JPH3: variants seen among roughly 807,000 people sequenced by gnomAD.
JPH3 encodes junctophilin 3.
Under a neutral mutation model 59.6 loss-of-function variants are expected in JPH3, and 11 were observed. That is an observed-to-expected ratio of 0.18 (90% CI 0.12 to 0.31). JPH3 has a LOEUF of 0.31. Among genes scored for constraint, JPH3 ranks in the 10% least tolerant of loss-of-function variants. The pLI is 1.00. For synonymous variants in JPH3, 673 were observed against 483.6 expected (o/e 1.39, Z -5.14); for missense variants, 1,202 against 1,105.7 (o/e 1.09, Z -1.24).
At chr16:87,681,998 C>G (rs1260215659) in intron 2 of JPH3, among the ~76,000 whole-genome samples, 1 of 151,992 alleles carries the variant, frequency 6.6e-6, no homozygotes, top group African/African-American at 2.4e-5. Context: ...GGCGGGGGGT[C>G]ATGCAGAAAA....
rs372051671 is a variant in JPH3, at chr16:87,681,569, A to G, written c.1161-2573A>G. ...GCCGGGAGGTCAGGTGCGCCTGGTG[A>G]TGACAGTTCCGGGAGGTCAGGTGCG... On this transcript the variant is annotated intron_variant, in intron 2 of 4. Transcript: ENST00000284262. Among the ~76,000 whole-genome samples the G allele has an allele frequency of 6.0e-3, 565 of 94,098 alleles. 8 individuals are homozygous for G. Among genetic ancestry groups the G allele is most frequent in the African/African-American group, 0.021 (503 of 23,750 alleles). The allele number at this position is 94,098 out of a possible 152,430, so 61.7% of individuals were successfully genotyped here.
chr16:87,662,650 C>T (rs2032742067), intron 2 of JPH3, among the ~76,000 whole-genome samples: 1 of 152,220 alleles, frequency 6.6e-6, no homozygotes, highest in Non-Finnish European at 1.5e-5. Flanking sequence ...GGACCCCAGT[C>T]CCCGCTGAGC....
rs1314654182 is a variant in JPH3 at position 87,645,048 on chromosome 16, G to C, written c.1160+13G>C. On this transcript the variant is annotated intron_variant, in intron 2 of 4. Coordinates refer to ENST00000284262, the MANE Select transcript of JPH3 (RefSeq NM_020655.4). The stretch of plus-strand genomic sequence containing the variant: ...TCGCGGCTTCCAGGTAGGAGGGCGA[G>C]GGGGCGGGGGGCCCTTCTTGGTGCC... 1.9e-6 allele frequency: 3 copies of C among 1,589,638 alleles called. No individual in the cohort carries two copies. The African/African-American group carries it at 4.0e-5, about 21-fold the overall frequency.
rs7196630 is a variant in JPH3 at position 87,616,941 on chromosome 16, C to A, written c.382+13413C>A. On this transcript the variant is annotated intron_variant, in intron 1 of 4. Coordinates refer to ENST00000284262, the MANE Select transcript of JPH3 (RefSeq NM_020655.4). ...TGTTGCCTATATCAATAGTTCGTTCCAGGCTGGGCTCCGTGGCTCACGCCT... is the reference window on the plus strand; with the variant it reads ...TGTTGCCTATATCAATAGTTCGTTCAAGGCTGGGCTCCGTGGCTCACGCCT... 6.0e-3 allele frequency among the ~76,000 whole-genome samples: 917 copies of A among 152,296 alleles called. 11 individuals are homozygous for A. Among genetic ancestry groups the A allele is most frequent in the African/African-American group, 0.021 (854 of 41,564 alleles).
intron 1 of JPH3, among the ~76,000 whole-genome samples, chr16:87,632,604 A>G (rs2031599407): frequency 6.6e-6 from 1 of 152,070 alleles, no homozygotes; most frequent in Non-Finnish European, 1.5e-5. Flanking sequence ...AATTTCAACA[A>G]AATTTTGGCT....
intron 2 of JPH3, among the ~76,000 whole-genome samples, chr16:87,667,120 C>G (rs2032888316): frequency 6.6e-6 from 1 of 152,246 alleles, no homozygotes; most frequent in African/African-American, 2.4e-5. Flanking sequence ...GCCGGCCTCC[C>G]TGGAGTGGCC....
chr16:87,613,045 A>C (rs2030790234), intron 1 of JPH3, among the ~76,000 whole-genome samples: 1 of 151,644 alleles, frequency 6.6e-6, no homozygotes, highest in South Asian at 2.1e-4. Flanking sequence ...AAAGTAAAAT[A>C]AAGTAGACTA....
At chr16:87,636,878 C>T (rs1323258505) in intron 1 of JPH3, among the ~76,000 whole-genome samples, 1 of 152,266 alleles carries the variant, frequency 6.6e-6, no homozygotes, top group African/African-American at 2.4e-5. Context: ...ACTAACTCAG[C>T]TCCGAGATGT....
chr16:87,681,325 G>C (rs550688547), intron 2 of JPH3, among the ~76,000 whole-genome samples: 4 of 147,864 alleles, frequency 2.7e-5, no homozygotes, highest in African/African-American at 1.0e-4. Context: ...CGGGAGGTCA[G>C]GTGCGCGCGG....
In JPH3 at chr16:87,614,442, T is replaced by A. The variant is rs1406876659; in HGVS notation, c.382+10914T>A. Among the ~76,000 whole-genome samples, 5 of 143,790 alleles carry A rather than the reference T, an allele frequency of 3.5e-5. 1 individual carries two copies. 94.3% of individuals were successfully genotyped at this position (143,790 alleles called of 152,430 possible). On this transcript the variant is annotated intron_variant, in intron 1 of 4. Transcript: ENST00000284262. Reference sequence around the variant, plus strand: ...AGGTCCCTGTTCACAGGAGGAGCTGTGCGTCCCCTCCCAGGATAAGTGCTG... The same window carrying A: ...AGGTCCCTGTTCACAGGAGGAGCTGAGCGTCCCCTCCCAGGATAAGTGCTG...
Position 87,604,583 on chromosome 16 carries a change from G to T in JPH3, c.382+1055G>T, listed in dbSNP as rs1218873273. On this transcript the variant is annotated intron_variant, in intron 1 of 4. Transcript: ENST00000284262. ...TGGATGCCTGGGAAGGGAGTGAGACGCAGCAATGACTTGTGCTTCTGCCGA... is the reference window on the plus strand; with the variant it reads ...TGGATGCCTGGGAAGGGAGTGAGACTCAGCAATGACTTGTGCTTCTGCCGA... 2.4e-6 allele frequency: 3 copies of T among 1,230,786 alleles called. No individual in the cohort carries two copies. The East Asian group carries it at 1.5e-4, about 63-fold the overall frequency. 76.2% of individuals were successfully genotyped at this position (1,230,786 alleles called of 1,614,324 possible).
Position 87,689,633 on chromosome 16 carries a change from T to C in JPH3, c.1286-13T>C, listed in dbSNP as rs1236393860. 6.2e-7 allele frequency: 1 copy of C among 1,610,338 alleles called. No homozygotes were observed. The highest frequency in any genetic ancestry group is 8.5e-7 in the Non-Finnish European group (1 of 1,178,878). On this transcript the variant is annotated splice_polypyrimidine_tract_variant and intron_variant, in intron 3 of 4. Transcript: ENST00000284262. The stretch of plus-strand genomic sequence containing the variant: ...GGTAACGCCGTCTGGCGTCGTCTTG[T>C]GTCCCCATACAGGGCTGGAGTACCA...
At chr16:87,668,468 C>T (rs190424146) in intron 2 of JPH3, among the ~76,000 whole-genome samples, 1 of 152,278 alleles carries the variant, frequency 6.6e-6, no homozygotes, top group East Asian at 1.9e-4. Flanking sequence ...TTCATGCCTC[C>T]CTGTTAAGGA....
chr16:87,643,348 A>G (rs915308261), intron 1 of JPH3, among the ~76,000 whole-genome samples: 9 of 152,106 alleles, frequency 5.9e-5, no homozygotes, highest in Admixed American at 5.9e-4. Context: ...GCTGCTGAGA[A>G]CCCAGGTGCA....
intron 2 of JPH3, among the ~76,000 whole-genome samples, chr16:87,648,769 G>T (rs1435605815): frequency 6.6e-6 from 1 of 152,200 alleles, no homozygotes; most frequent in Non-Finnish European, 1.5e-5. Context: ...TTTGGGATGC[G>T]CCCAGTGTTC....
chr16:87,647,156 A>G lies in JPH3; in HGVS notation c.1160+2121A>G, dbSNP rs2032180103. Among the ~76,000 whole-genome samples the G allele has an allele frequency of 2.7e-5, 4 of 150,738 alleles. No homozygotes were observed. The South Asian group carries it at 8.5e-4, about 32-fold the overall frequency. Reference sequence around the variant, plus strand: ...GGGGGGCCCAGGGGCTCTGTGGAGCATTGCTGGGGGAGATGCCTACGTATA... The same window carrying G: ...GGGGGGCCCAGGGGCTCTGTGGAGCGTTGCTGGGGGAGATGCCTACGTATA... On this transcript the variant is annotated intron_variant, in intron 2 of 4. Coordinates refer to ENST00000284262, the MANE Select transcript of JPH3 (RefSeq NM_020655.4).
At chr16:87,654,174 G>C (rs894886648) in intron 2 of JPH3, 1 of 152,204 alleles carries the variant, frequency 6.6e-6, no homozygotes, top group African/African-American at 2.4e-5. Flanking sequence ...GCATATGCTG[G>C]TCCCTCTGCT....
At chr16:87,676,445 G>A (rs1316640899) in intron 2 of JPH3, among the ~76,000 whole-genome samples, 3 of 152,132 alleles carry the variant, frequency 2.0e-5, no homozygotes, top group South Asian at 2.1e-4. Context: ...GTATATAGGT[G>A]ATATTTTAGC....
At chr16:87,647,881 C>G (rs2032205265) in intron 2 of JPH3, among the ~76,000 whole-genome samples, 1 of 152,232 alleles carries the variant, frequency 6.6e-6, no homozygotes, top group African/African-American at 2.4e-5. Context: ...TGGCGTCTCA[C>G]CCTTGCCTCT....
Sources: allele counts gnomAD v4.1 joint callset (sites outside exome capture counted in the v4.1 genomes callset), GRCh38; gene constraint gnomAD v4.1.1; transcripts MANE v1.5; gene names NCBI Gene and HGNC (gene_info 2026-07-23, HGNC 2026-07-21).